LRRC49: variants seen among roughly 807,000 people sequenced by gnomAD.
The protein encoded by LRRC49 is leucine rich repeat containing 49, also known as leucine-rich repeat-containing protein 49.
LRRC49 carries 50 observed loss-of-function variants against 83.3 expected under a neutral mutation model. The observed-to-expected ratio is 0.60, with a 90% confidence interval of 0.48 to 0.76. The LOEUF is 0.76. LRRC49 is among the 30% of genes least tolerant of loss of function. The pLI is 0.00. For synonymous variants in LRRC49, 286 were observed against 283.3 expected (o/e 1.01, Z -0.10); for missense variants, 704 against 809.1 (o/e 0.87, Z 1.58).
At position 70,911,562 on chromosome 15, in the gene LRRC49, A is replaced by G. The variant is rs1028928663; in HGVS notation, c.531A>G (p.Leu177=). The change falls in exon 6 of 16, where the codon CTA becomes CTG. Residue 177 remains leucine (L), a synonymous_variant. Coordinates refer to ENST00000260382, the MANE Select transcript of LRRC49 (RefSeq NM_017691.5). ...AGAAAATCTCAAATCTGGAGAATCTAAAAAGCTTAGATGTCTTGGATCTTC... is the reference window on the plus strand; with the variant it reads ...AGAAAATCTCAAATCTGGAGAATCTGAAAAGCTTAGATGTCTTGGATCTTC... ...RIKKISNLEN[L]KSLDVLDLHG... 6.3e-7 allele frequency: 1 copy of G among 1,582,766 alleles called. No individual in the cohort carries two copies. Among genetic ancestry groups the G allele is most frequent in the East Asian group, 2.3e-5 (1 of 43,538 alleles).
intron 8 of LRRC49, among the ~76,000 whole-genome samples, chr15:70,959,230 C>T (rs1023146886): frequency 3.9e-5 from 6 of 152,108 alleles, no homozygotes; most frequent in Admixed American, 1.3e-4. Flanking sequence ...CGGTGGCTCA[C>T]GCCTGTAATC....
chr15:70,870,344 ATT>A (rs1218745975), intron 1 of LRRC49, among the ~76,000 whole-genome samples: 1 of 151,886 alleles, frequency 6.6e-6, no homozygotes, highest in Non-Finnish European at 1.5e-5. Flanking sequence ...GTGGTTTACC[ATT>A]TTTAGAAACA....
intron 1 of LRRC49, chr15:70,860,292 C>A (rs1024077182): frequency 1.9e-5 from 10 of 533,992 alleles, no homozygotes; most frequent in South Asian, 2.3e-5. Context: ...TCAGCCCACC[C>A]GCGGGGGAGT....
chr15:70,919,993 G>A (rs2034949721), intron 7 of LRRC49, among the ~76,000 whole-genome samples: 1 of 152,176 alleles, frequency 6.6e-6, no homozygotes, highest in Non-Finnish European at 1.5e-5. Context: ...TCGTACATAT[G>A]TGAAGAGCAT....
intron 3 of LRRC49, among the ~76,000 whole-genome samples, chr15:70,898,685 A>G: frequency 6.6e-6 from 1 of 152,114 alleles, no homozygotes; most frequent in Non-Finnish European, 1.5e-5. Context: ...CGAGAGGCTG[A>G]GGTAGGAGGA....
At chr15:71,031,186 T>A (rs908335922) in intron 14 of LRRC49, among the ~76,000 whole-genome samples, 4 of 152,192 alleles carry the variant, frequency 2.6e-5, no homozygotes, top group African/African-American at 9.6e-5. Flanking sequence ...ATGGGGTTTT[T>A]GTGTGGGGAT....
At chr15:70,922,977 A>T (rs1003749041) in intron 7 of LRRC49, among the ~76,000 whole-genome samples, 10 of 152,058 alleles carry the variant, frequency 6.6e-5, no homozygotes, top group African/African-American at 2.4e-4. Context: ...GATATTTCAT[A>T]TATTAGTTTT....
intron 7 of LRRC49, among the ~76,000 whole-genome samples, chr15:70,932,398 T>C (rs2035439873): frequency 6.6e-6 from 1 of 152,208 alleles, no homozygotes; most frequent in African/African-American, 2.4e-5. Flanking sequence ...TCATTGTTTT[T>C]TGTTTCCAAG....
chr15:70,916,286 T>C (rs1025971466), intron 6 of LRRC49, among the ~76,000 whole-genome samples: 2 of 152,052 alleles, frequency 1.3e-5, no homozygotes, highest in Non-Finnish European at 2.9e-5. Flanking sequence ...TCAGTGCTGA[T>C]TATTTATTAT....
chr15:70,868,509 A>G (rs1476538539), intron 1 of LRRC49, among the ~76,000 whole-genome samples: 2 of 152,238 alleles, frequency 1.3e-5, no homozygotes, highest in Admixed American at 6.5e-5. Flanking sequence ...AATGCTTTCA[A>G]CTGGTGGCTC....
chr15:71,021,298 T>G (rs1490869035), intron 14 of LRRC49, among the ~76,000 whole-genome samples: 1 of 152,172 alleles, frequency 6.6e-6, no homozygotes, highest in Non-Finnish European at 1.5e-5. Flanking sequence ...TTATCTGGGA[T>G]GGAGATAAAT....
intron 2 of LRRC49, chr15:70,895,570 AT>A (rs987000196): frequency 2.8e-5 from 7 of 247,290 alleles, no homozygotes; most frequent in Admixed American, 2.7e-4. Context: ...TAGTTCCAGA[AT>A]TTTTTCATCA....
chr15:70,894,867 T>C (rs2033763630), intron 2 of LRRC49: 2 of 200,146 alleles, frequency 1.0e-5, no homozygotes, highest in South Asian at 1.6e-4. Context: ...AAATAGACAA[T>C]TTGATCATCT....
At chr15:70,948,495 G>GT (rs34256149) in intron 8 of LRRC49, among the ~76,000 whole-genome samples, 108,825 of 140,738 alleles carry the variant, frequency 0.77, 42,412 homozygotes, top group Non-Finnish European at 0.84. Flanking sequence ...CATTAGCAAA[G>GT]TTTTTTTTTT....
At chr15:70,891,806 C>A, upstream of LRRC49, 1 of 1,496,390 alleles carries the variant, frequency 6.7e-7, no homozygotes, top group Non-Finnish European at 8.9e-7. Flanking sequence ...AGCCAGAGTC[C>A]AGGGGTCCTT....
At position 70,917,158 on chromosome 15, in the gene LRRC49, G is replaced by T. The variant is rs553969484; in HGVS notation, c.568-1892G>T. Among the ~76,000 whole-genome samples, 38 of 152,300 alleles carry T rather than the reference G, an allele frequency of 2.5e-4. No individual in the cohort carries two copies. In the South Asian group the frequency reaches 7.7e-3, roughly 31 times the overall value. ...AAGCATAGAAGGGAATCTGAGGGGGGCTGAGGGCAGCTAGGTGCTGGCCTG... is the reference window on the plus strand; with the variant it reads ...AAGCATAGAAGGGAATCTGAGGGGGTCTGAGGGCAGCTAGGTGCTGGCCTG... On this transcript the variant is annotated intron_variant, in intron 6 of 15. Transcript: ENST00000260382.
intron 1 of LRRC49, chr15:70,860,083 C>T: frequency 2.7e-6 from 2 of 727,748 alleles, no homozygotes; most frequent in Admixed American, 1.9e-5. Flanking sequence ...GCACCGGCTC[C>T]ACCAGGGCTG....
At chr15:70,873,278 C>A (rs2033089070) in intron 2 of LRRC49, 31 of 1,510,290 alleles carry the variant, frequency 2.1e-5, no homozygotes, top group Non-Finnish European at 2.8e-5. Context: ...ACTCTGCTAT[C>A]CCCTCACTGA....
chr15:70,883,104 A>G (rs560972369), intron 2 of LRRC49, among the ~76,000 whole-genome samples: 3 of 152,216 alleles, frequency 2.0e-5, no homozygotes, highest in African/African-American at 4.8e-5. Flanking sequence ...TTTTCCACTT[A>G]TAAATCATGA....
Sources: allele counts gnomAD v4.1 joint callset (sites outside exome capture counted in the v4.1 genomes callset), GRCh38; gene constraint gnomAD v4.1.1; transcripts MANE v1.5; gene names NCBI Gene and HGNC (gene_info 2026-07-23, HGNC 2026-07-21).